The following RABGAP1L variants were observed in gnomAD, a reference collection of about 807,000 sequenced individuals.
The protein encoded by RABGAP1L is RAB GTPase activating protein 1 like.
In RABGAP1L, 63 loss-of-function variants were observed where a neutral mutation model predicts 137.7. The ratio of observed to expected loss-of-function variants is 0.46; its 90% CI spans 0.37 to 0.56. RABGAP1L has a LOEUF of 0.56. RABGAP1L is among the 20% of genes least tolerant of loss of function. The probability of loss-of-function intolerance (pLI) is 0.00; values close to 1 mark genes in which losing one functional copy is unlikely to be tolerated. For missense variants in RABGAP1L, 1,095 were observed against 1,244.0 expected (o/e 0.88, Z 1.80); for synonymous variants, 431 against 433.7 (o/e 0.99, Z 0.08).
At chr1:174,839,372 T>C (rs1314240271) in intron 19 of RABGAP1L, among the ~76,000 whole-genome samples, 2 of 152,202 alleles carry the variant, frequency 1.3e-5, no homozygotes, top group Non-Finnish European at 2.9e-5. Flanking sequence ...ACAACTTTAC[T>C]GAGTCTCTAT....
In RABGAP1L at chr1:174,416,019, C is replaced by CATATATATATATATATATATATAT. The variant is rs143285036; in HGVS notation, c.1710+21891_1710+21892insTATATATATATATATATATATATA. 4.4e-3 allele frequency among the ~76,000 whole-genome samples: 568 copies of CATATATATATATATATATATATAT among 128,844 alleles called. 12 individuals are homozygous for CATATATATATATATATATATATAT. The highest frequency in any genetic ancestry group is 0.013 in the African/African-American group (358 of 27,220). The allele number at this position is 128,844 out of a possible 152,430, so 84.5% of individuals were successfully genotyped here. On this transcript the variant is annotated intron_variant, in intron 13 of 25. Coordinates refer to ENST00000681986, the MANE Select transcript of RABGAP1L (RefSeq NM_001366446.1). ...TTAAGGAATTTCCCTAGAAAATTTACATATATATATATATATACACACACA... is the reference window on the plus strand; with the variant it reads ...TTAAGGAATTTCCCTAGAAAATTTACATATATATATATATATATATATATATATATATATATATATACACACACA...
intron 13 of RABGAP1L, chr1:174,449,302 A>T: frequency 1.0e-6 from 1 of 980,846 alleles, no homozygotes; most frequent in Non-Finnish European, 1.5e-6. Context: ...TGAATAGTTG[A>T]CTGTAAAATG....
At chr1:174,349,954 G>C (rs1247170350) in intron 11 of RABGAP1L, among the ~76,000 whole-genome samples, 10 of 129,688 alleles carry the variant, frequency 7.7e-5, no homozygotes, top group Non-Finnish European at 1.0e-4. Context: ...CTGGCCGGGT[G>C]GGGGGGCTGA....
chr1:174,983,871 C>T (rs1671347424), intron 24 of RABGAP1L, among the ~76,000 whole-genome samples: 1 of 151,820 alleles, frequency 6.6e-6, no homozygotes, highest in African/African-American at 2.4e-5. Flanking sequence ...TGGTGTTCTC[C>T]CTCTCTGATG....
rs543109003 is a variant in RABGAP1L, at chr1:174,767,323, A to T, written c.2211+14969A>T. The stretch of plus-strand genomic sequence containing the variant: ...ATATTGAGACTTTTGATCCATGAAC[A>T]TGAGGTTTTTTCACATTTATTTAGG... On this transcript the variant is annotated intron_variant, in intron 18 of 25. Coordinates refer to ENST00000681986, the MANE Select transcript of RABGAP1L (RefSeq NM_001366446.1). 2.0e-3 allele frequency among the ~76,000 whole-genome samples: 303 copies of T among 152,308 alleles called. 1 individual carries two copies. The highest frequency in any genetic ancestry group is 6.9e-3 in the African/African-American group (288 of 41,552).
chr1:174,665,429 G>T (rs1408686384), intron 14 of RABGAP1L, among the ~76,000 whole-genome samples: 2 of 137,912 alleles, frequency 1.5e-5, no homozygotes, highest in South Asian at 2.3e-4. Context: ...GCCTCGCCTC[G>T]CCCCGCCCCG....
chr1:174,740,714 C>T (rs1683323303), intron 17 of RABGAP1L, among the ~76,000 whole-genome samples: 1 of 152,050 alleles, frequency 6.6e-6, no homozygotes, highest in African/African-American at 2.4e-5. Flanking sequence ...ATATGAGTTC[C>T]CTTTTCTCCA....
intron 18 of RABGAP1L, among the ~76,000 whole-genome samples, chr1:174,766,288 A>T (rs1252662327): frequency 6.6e-6 from 1 of 152,176 alleles, no homozygotes; most frequent in Admixed American, 6.5e-5. Flanking sequence ...AGCATACCAT[A>T]CACTAGGGGT....
At chr1:174,159,873 T>A (rs977068257) in intron 1 of RABGAP1L, 16 of 152,334 alleles carry the variant, frequency 1.1e-4, no homozygotes, top group African/African-American at 3.6e-4. Context: ...TTCTCCCAGG[T>A]GGCCGCTCCT....
chr1:174,321,319 C>T (rs754743839), intron 11 of RABGAP1L, among the ~76,000 whole-genome samples: 17 of 152,170 alleles, frequency 1.1e-4, no homozygotes, highest in Middle Eastern at 3.4e-3. Context: ...TCGCTCTGCC[C>T]CCATTTGGCT....
chr1:174,407,700 T>C (rs2149120510), intron 13 of RABGAP1L, among the ~76,000 whole-genome samples: 1 of 152,316 alleles, frequency 6.6e-6, no homozygotes, highest in East Asian at 1.9e-4. Context: ...AGCTGCAGAC[T>C]TCAGTGTGTG....
At chr1:174,772,946 A>G (rs1039575312) in intron 18 of RABGAP1L, among the ~76,000 whole-genome samples, 1 of 152,204 alleles carries the variant, frequency 6.6e-6, no homozygotes, top group Non-Finnish European at 1.5e-5. Context: ...TATTACTGTT[A>G]ATATTGTATT....
intron 13 of RABGAP1L, among the ~76,000 whole-genome samples, chr1:174,401,387 A>G (rs551057314): frequency 5.9e-5 from 9 of 152,314 alleles, no homozygotes; most frequent in South Asian, 2.1e-4. Context: ...AAAGCACTCA[A>G]TGCATGCCTA....
chr1:174,567,811 A>T (rs1667686398), intron 13 of RABGAP1L, among the ~76,000 whole-genome samples: 1 of 152,204 alleles, frequency 6.6e-6, no homozygotes, highest in Admixed American at 6.5e-5. Flanking sequence ...AGCAGATGGC[A>T]TGTTTTTACA....
chr1:174,780,974 G>T (rs535741789), intron 18 of RABGAP1L, among the ~76,000 whole-genome samples: 2 of 151,948 alleles, frequency 1.3e-5, no homozygotes, highest in Admixed American at 1.3e-4. Flanking sequence ...TATCATTGTT[G>T]GACATTTGGG....
chr1:174,384,252 G>A (rs147016750), intron 12 of RABGAP1L, among the ~76,000 whole-genome samples: 1 of 152,334 alleles, frequency 6.6e-6, no homozygotes, highest in East Asian at 1.9e-4. Flanking sequence ...CATGTCAGTA[G>A]TTGTTAAGGA....
intron 19 of RABGAP1L, among the ~76,000 whole-genome samples, chr1:174,908,664 T>C (rs1659528572): frequency 6.7e-6 from 1 of 148,390 alleles, no homozygotes; most frequent in Admixed American, 6.8e-5. Flanking sequence ...TGCCTCAGCC[T>C]CCTGAGTGGC....
At chr1:174,398,510 A>G (rs1311158716) in intron 13 of RABGAP1L, among the ~76,000 whole-genome samples, 3 of 152,204 alleles carry the variant, frequency 2.0e-5, no homozygotes, top group South Asian at 2.1e-4. Context: ...ACAAATAACA[A>G]TCCTGTTATT....
intron 17 of RABGAP1L, among the ~76,000 whole-genome samples, chr1:174,709,610 A>G (rs928810399): frequency 6.6e-6 from 1 of 152,232 alleles, no homozygotes; most frequent in African/African-American, 2.4e-5. Context: ...GAAAACTAGC[A>G]AACAGAAAGC....
Sources: allele counts gnomAD v4.1 joint callset (sites outside exome capture counted in the v4.1 genomes callset), GRCh38; gene constraint gnomAD v4.1.1; transcripts MANE v1.5; gene names NCBI Gene and HGNC (gene_info 2026-07-23, HGNC 2026-07-21).